Variants in AP3B1 observed in about 807,000 individuals in gnomAD.
AP3B1 encodes adaptor related protein complex 3 subunit beta 1, also known as AP-3 complex subunit beta-1.
Under a neutral mutation model 132.5 loss-of-function variants are expected in AP3B1, and 61 were observed. The observed-to-expected ratio is 0.46, with a 90% CI of 0.37 to 0.57. AP3B1 has a LOEUF of 0.57. AP3B1 is among the 20% of genes least tolerant of loss of function. The pLI, the probability that AP3B1 is intolerant of heterozygous loss-of-function variation, is 0.00. For missense variants in AP3B1, 1,120 were observed against 1,289.4 expected (o/e 0.87, Z 2.01); for synonymous variants, 388 against 438.3 (o/e 0.89, Z 1.43).
intron 22 of AP3B1, among the ~76,000 whole-genome samples, chr5:78,068,128 C>A (rs189738448): frequency 1.3e-5 from 2 of 152,074 alleles, no homozygotes; most frequent in Admixed American, 6.6e-5. Context: ...AGTTGGAGAC[C>A]AGCCTGACCA....
chr5:78,060,833 G>T (rs1475397228), intron 22 of AP3B1, among the ~76,000 whole-genome samples: 1 of 151,818 alleles, frequency 6.6e-6, no homozygotes, highest in Non-Finnish European at 1.5e-5. Context: ...GAAAGCAAAA[G>T]AGAATTTGCT....
intron 2 of AP3B1, among the ~76,000 whole-genome samples, chr5:78,242,193 TG>T (rs1364233923): frequency 6.6e-6 from 1 of 152,234 alleles, no homozygotes; most frequent in Non-Finnish European, 1.5e-5. Context: ...CACTAACATC[TG>T]TTCTTAAACT....
intron 24 of AP3B1, among the ~76,000 whole-genome samples, chr5:78,031,837 T>C (rs1747590197): frequency 6.6e-6 from 1 of 152,220 alleles, no homozygotes. Flanking sequence ...TTTTCAGTGT[T>C]CATTCACTAT....
At chr5:78,221,662 TAG>T (rs1198757537) in intron 6 of AP3B1, among the ~76,000 whole-genome samples, 1 of 151,524 alleles carries the variant, frequency 6.6e-6, no homozygotes, top group Non-Finnish European at 1.5e-5. Context: ...AGAAGAGGTT[TAG>T]AGACACAATG....
chr5:78,193,770 A>ATATATATATATTTTTTTTTTTT, intron 7 of AP3B1, among the ~76,000 whole-genome samples: 1 of 67,202 alleles, frequency 1.5e-5, no homozygotes, highest in Admixed American at 1.8e-4. Context: ...ATATATATAT[A>ATATATATATATTTTTTTTTTTT]TTTTTTTTTT....
chr5:78,007,721 T>G (rs74850414), intron 26 of AP3B1, among the ~76,000 whole-genome samples: 2 of 152,180 alleles, frequency 1.3e-5, no homozygotes, highest in Non-Finnish European at 2.9e-5. Context: ...TGAGTTATTA[T>G]AGTAGAACAT....
At chr5:78,045,318 T>C (rs1432065343) in intron 22 of AP3B1, among the ~76,000 whole-genome samples, 1 of 150,200 alleles carries the variant, frequency 6.7e-6, no homozygotes, top group African/African-American at 2.5e-5. Context: ...GAAGTGGAGG[T>C]TGCAGTGACC....
At chr5:78,294,328 C>T in intron 1 of AP3B1, 124 bp downstream of exon 1, 2 of 1,425,530 alleles carry the variant, frequency 1.4e-6, no homozygotes, top group Non-Finnish European at 9.6e-7. Flanking sequence ...GGACACGTTA[C>T]CGCCCTGCCC....
At chr5:78,054,186 A>C (rs1412389788) in intron 22 of AP3B1, among the ~76,000 whole-genome samples, 3 of 152,168 alleles carry the variant, frequency 2.0e-5, no homozygotes, top group African/African-American at 7.2e-5. Context: ...AGGACGAAAA[A>C]CTGAAGTTCA....
chr5:78,219,189 C>T (rs1746080408), intron 6 of AP3B1, among the ~76,000 whole-genome samples: 1 of 151,938 alleles, frequency 6.6e-6, no homozygotes, highest in African/African-American at 2.4e-5. Flanking sequence ...AGGCACTGAC[C>T]TAATTTGTTT....
At chr5:78,222,317 C>A in intron 6 of AP3B1, 1 of 153,930 alleles carries the variant, frequency 6.5e-6, no homozygotes, top group South Asian at 2.0e-4. Context: ...ACAATATTGC[C>A]TGCAGAGGGA....
intron 21 of AP3B1, among the ~76,000 whole-genome samples, chr5:78,090,015 T>C (rs1199025425): frequency 6.6e-6 from 1 of 152,206 alleles, no homozygotes; most frequent in Non-Finnish European, 1.5e-5. Flanking sequence ...ATTCTAAAAC[T>C]GCTATATACT....
intron 2 of AP3B1, among the ~76,000 whole-genome samples, chr5:78,255,628 G>A (rs2112542970): frequency 6.6e-6 from 1 of 152,078 alleles, no homozygotes; most frequent in East Asian, 1.9e-4. Flanking sequence ...AGAGAGACAG[G>A]CCCAAATGCA....
intron 24 of AP3B1, among the ~76,000 whole-genome samples, chr5:78,031,336 C>A (rs1045778292): frequency 6.6e-6 from 1 of 152,172 alleles, no homozygotes; most frequent in Non-Finnish European, 1.5e-5. Context: ...CCTTTCCTCC[C>A]CACCAGCAAA....
intron 15 of AP3B1, 113 bp downstream of exon 15, chr5:78,141,030 G>A (rs771598527): frequency 3.4e-5 from 32 of 928,410 alleles, no homozygotes; most frequent in Non-Finnish European, 5.7e-5. Context: ...GAAACAAACA[G>A]GCACCTAGAA....
intron 15 of AP3B1, among the ~76,000 whole-genome samples, chr5:78,132,290 AAC>A (rs1266419057): frequency 4.6e-5 from 7 of 152,204 alleles, no homozygotes; most frequent in East Asian, 3.8e-4. Context: ...TTTCATCAAA[AAC>A]AGTTTTATCT....
intron 25 of AP3B1, 57 bp from the exon 26 acceptor site, chr5:78,015,605 C>A: frequency 6.3e-7 from 1 of 1,597,334 alleles, no homozygotes; most frequent in South Asian, 1.1e-5. Context: ...ATTACATTTA[C>A]AGAATTTTAA....
chr5:78,165,636 T>C lies in AP3B1; in HGVS notation c.1204A>G (p.Ile402Val), dbSNP rs766932567. ...TGAAATTCTCGAAGAAGAGTTGATATGTTGGCTTCATTTGCCAAGTTTGTC... is the reference window on the plus strand; with the variant it reads ...TGAAATTCTCGAAGAAGAGTTGATACGTTGGCTTCATTTGCCAAGTTTGTC... ...ILTNLANEANISTLLREFQTY... is the reference protein window; with the variant it reads ...ILTNLANEANVSTLLREFQTY... The change falls in exon 12 of 27, where the codon ATA becomes GTA. Residue 402 changes from isoleucine to valine, a missense_variant. By Grantham distance (29) the Ile-to-Val change is conservative. This residue lies in a region of AP3B1 where 906 missense variants were observed against 997.1 expected (regional missense o/e 0.91). Transcript: ENST00000255194. The C allele has an allele frequency of 5.0e-6, 8 of 1,609,780 alleles. No individual in the cohort carries two copies. Among genetic ancestry groups the C allele is most frequent in the Non-Finnish European group, 6.8e-6 (8 of 1,177,224 alleles).
intron 22 of AP3B1, among the ~76,000 whole-genome samples, chr5:78,057,420 G>C (rs973634671): frequency 3.3e-5 from 5 of 151,938 alleles, no homozygotes; most frequent in African/African-American, 9.7e-5. Context: ...AGTAATCTTT[G>C]AAAAAAAGAA....
Sources: gnomAD v4.1 joint callset for allele counts (sites outside exome capture counted in the v4.1 genomes callset) on GRCh38, gnomAD v4.1.1 for gene constraint, gnomAD v4.1.1 regional missense constraint, MANE v1.5 for transcripts, NCBI Gene and HGNC (gene_info 2026-07-23, HGNC 2026-07-21) for gene names.